MBOAT2: variants seen among roughly 807,000 people sequenced by gnomAD.
MBOAT2 encodes membrane-bound glycerophospholipid O-acyltransferase 2.
In MBOAT2, 28 loss-of-function variants were observed where a neutral mutation model predicts 63.4. The ratio of observed to expected loss-of-function variants is 0.44; its 90% CI spans 0.33 to 0.61. MBOAT2 has a LOEUF of 0.61. Among genes scored for constraint, MBOAT2 ranks in the 20% least tolerant of loss-of-function variants. MBOAT2 has a pLI of 0.03. For missense variants in MBOAT2, 470 were observed against 605.8 expected (o/e 0.78, Z 2.35); for synonymous variants, 211 against 215.6 (o/e 0.98, Z 0.19).
intron 3 of MBOAT2, among the ~76,000 whole-genome samples, chr2:8,915,981 G>A (rs895998958): frequency 2.0e-5 from 3 of 152,166 alleles, no homozygotes; most frequent in Admixed American, 6.5e-5. Context: ...TGGTTTATGG[G>A]AGGCAGAAAA....
At chr2:8,978,869 T>G (rs1671011010) in intron 1 of MBOAT2, among the ~76,000 whole-genome samples, 2 of 151,338 alleles carry the variant, frequency 1.3e-5, no homozygotes. Context: ...AAAAAGGTGG[T>G]GGGGGGAGGC....
At chr2:8,981,105 T>C (rs1278946817) in intron 1 of MBOAT2, among the ~76,000 whole-genome samples, 1 of 152,180 alleles carries the variant, frequency 6.6e-6, no homozygotes, top group African/African-American at 2.4e-5. Flanking sequence ...ACATATTGTA[T>C]GATTCCACTT....
At chr2:8,944,724 G>C (rs953210914) in intron 2 of MBOAT2, among the ~76,000 whole-genome samples, 2 of 151,554 alleles carry the variant, frequency 1.3e-5, no homozygotes, top group Non-Finnish European at 2.9e-5. Context: ...ATTATAATCA[G>C]AGGAAGCAGA....
At chr2:8,992,981 G>C (rs1296116183) in intron 1 of MBOAT2, among the ~76,000 whole-genome samples, 1 of 152,190 alleles carries the variant, frequency 6.6e-6, no homozygotes, top group Admixed American at 6.5e-5. Context: ...AGGACATGGA[G>C]GGTGGGTGAG....
At chr2:8,945,416 G>A (rs1327159965) in intron 2 of MBOAT2, among the ~76,000 whole-genome samples, 2 of 152,148 alleles carry the variant, frequency 1.3e-5, no homozygotes, top group South Asian at 2.1e-4. Flanking sequence ...AGGATTAAGA[G>A]ATAATACATT....
intron 1 of MBOAT2, chr2:8,974,478 A>G (rs1256554466): frequency 4.4e-6 from 2 of 454,830 alleles, no homozygotes; most frequent in Non-Finnish European, 8.8e-6. Flanking sequence ...AGATTAAAGA[A>G]CCCAGGCCTT....
rs549533736 is a variant in MBOAT2, at chr2:8,957,755, G to C, written c.221+742C>G. 4.4e-3 allele frequency among the ~76,000 whole-genome samples: 667 copies of C among 152,304 alleles called. 8 individuals are homozygous for C. The highest frequency in any genetic ancestry group is 0.015 in the African/African-American group (625 of 41,568). On this transcript the variant is annotated intron_variant, in intron 2 of 12. Transcript: ENST00000305997. ...ATGAGCATGCAGCACAAGTGCTCAC[G>C]TAAGAAAGCAAGCTCAGGAAGAGAC... is the stretch of plus-strand genomic sequence containing the variant.
chr2:8,986,805 T>C (rs1671603366), intron 1 of MBOAT2, among the ~76,000 whole-genome samples: 1 of 152,096 alleles, frequency 6.6e-6, no homozygotes, highest in African/African-American at 2.4e-5. Context: ...GCTTGCTCTC[T>C]CTTTCGCCAA....
At position 8,912,690 on chromosome 2, in the gene MBOAT2, T is replaced by C. The variant is rs193150362; in HGVS notation, c.300-3974A>G. On this transcript the variant is annotated intron_variant, in intron 3 of 12. Coordinates refer to ENST00000305997, the MANE Select transcript of MBOAT2 (RefSeq NM_138799.4). ...TACAAAACACTGCTGAAGGAAATCATAGACGACACAAACAAATGGAAACAC... is the reference window on the plus strand; with the variant it reads ...TACAAAACACTGCTGAAGGAAATCACAGACGACACAAACAAATGGAAACAC... Among the ~76,000 whole-genome samples, 10 of 152,270 alleles carry C rather than the reference T, an allele frequency of 6.6e-5. No individual in the cohort carries two copies. In the East Asian group the frequency reaches 7.7e-4, roughly 12 times the overall value.
intron 1 of MBOAT2, among the ~76,000 whole-genome samples, chr2:8,970,318 C>T (rs916583242): frequency 6.6e-6 from 1 of 152,094 alleles, no homozygotes; most frequent in Non-Finnish European, 1.5e-5. Flanking sequence ...TTCTTTGAAA[C>T]CAATGAGAAC....
chr2:8,999,146 C>G (rs1672513445), intron 1 of MBOAT2, among the ~76,000 whole-genome samples: 1 of 152,210 alleles, frequency 6.6e-6, no homozygotes, highest in Non-Finnish European at 1.5e-5. Context: ...GCCCCTTTCC[C>G]TGCCCGGAAT....
In MBOAT2 at chr2:8,862,152, G is replaced by A. The variant is rs761197186; in HGVS notation, c.1185+438C>T. 4 of 405,884 alleles carry A rather than the reference G, an allele frequency of 9.9e-6. No individual in the cohort carries two copies. The highest frequency in any genetic ancestry group is 1.7e-5 in the Non-Finnish European group (4 of 241,924). 25.1% of individuals were successfully genotyped at this position (405,884 alleles called of 1,614,324 possible). ...GTTCTGTCTAGGCAAATACTCTAAA[G>A]AACTGTGTCCTCTTCCAGTGTGGCT... On this transcript the variant is annotated intron_variant, in intron 11 of 12. Coordinates refer to ENST00000305997, the MANE Select transcript of MBOAT2 (RefSeq NM_138799.4). The surrounding 1 kb of genome is among the most constrained non-coding windows in gnomAD (Gnocchi z 4.3).
intron 1 of MBOAT2, chr2:8,974,324 T>C (rs1670665446): frequency 2.2e-6 from 1 of 454,892 alleles, no homozygotes; most frequent in Non-Finnish European, 4.4e-6. Context: ...AAAGTCTTCC[T>C]CACTCTTAAA....
chr2:8,973,149 G>C (rs1670568507), intron 1 of MBOAT2, among the ~76,000 whole-genome samples: 2 of 152,152 alleles, frequency 1.3e-5, no homozygotes, highest in African/African-American at 4.8e-5. Flanking sequence ...ACTGGATTAA[G>C]AAAATGTGGC....
At chr2:8,935,066 C>T (rs1167963163) in intron 3 of MBOAT2, among the ~76,000 whole-genome samples, 1 of 152,168 alleles carries the variant, frequency 6.6e-6, no homozygotes, top group Non-Finnish European at 1.5e-5. Flanking sequence ...GCCATGGCAG[C>T]CCGAGCTGCC....
At chr2:8,864,611 T>C (rs372139585) in intron 9 of MBOAT2, among the ~76,000 whole-genome samples, 1 of 151,986 alleles carries the variant, frequency 6.6e-6, no homozygotes, top group African/African-American at 2.4e-5. Context: ...AGCTCCGCCA[T>C]GGTCCTGGGT....
At chr2:8,876,852 C>T in intron 7 of MBOAT2, 178 bp downstream of exon 7, 1 of 542,416 alleles carries the variant, frequency 1.8e-6, no homozygotes, top group Non-Finnish European at 3.1e-6. Flanking sequence ...CTCAAGTGAC[C>T]TTATTTGTGT....
intron 4 of MBOAT2, among the ~76,000 whole-genome samples, chr2:8,894,057 C>G (rs1664226564): frequency 6.6e-6 from 1 of 152,016 alleles, no homozygotes; most frequent in Admixed American, 6.5e-5. Context: ...ACCCATCAAC[C>G]CCTCATCTAC....
intron 9 of MBOAT2, among the ~76,000 whole-genome samples, chr2:8,866,482 CATT>C (rs1401339205): frequency 6.6e-6 from 1 of 152,182 alleles, no homozygotes; most frequent in South Asian, 2.1e-4. Flanking sequence ...TTATTGCCAA[CATT>C]GTTGTTAAGA....
Sources: allele counts gnomAD v4.1 joint callset (sites outside exome capture counted in the v4.1 genomes callset), GRCh38; gene constraint gnomAD v4.1.1; non-coding constraint Gnocchi (gnomAD v3.1); transcripts MANE v1.5; gene names NCBI Gene and HGNC (gene_info 2026-07-23, HGNC 2026-07-21).